UGT2B10: variants seen among roughly 807,000 people sequenced by gnomAD.
The protein encoded by UGT2B10 is UDP glucuronosyltransferase family 2 member B10.
Under a neutral mutation model 43.7 loss-of-function variants are expected in UGT2B10, and 51 were observed. The observed-to-expected ratio is 1.17, with a 90% CI of 0.93 to 1.47. UGT2B10 has a LOEUF of 1.47. Ranked by LOEUF, UGT2B10 falls within the 40% of genes most tolerant of loss-of-function variation. The pLI is 0.00. For synonymous variants in UGT2B10, 225 were observed against 209.0 expected (o/e 1.08, Z -0.66); for missense variants, 696 against 617.7 (o/e 1.13, Z -1.34).
rs755883696 is a variant in UGT2B10, at chr4:68,830,642, T to C, written c.1350T>C (p.Asp450=). 3.7e-6 allele frequency: 6 copies of C among 1,613,032 alleles called. No homozygotes were observed. The Admixed American group carries it at 1.0e-4, about 27-fold the overall frequency. ...NIMKLSRIQH[D]QPVKPLDRAV... ...TGAAATTATCAAGAATTCAACATGA[T>C]CAACCAGTGAAGCCCCTGGATCGAG... The change falls in exon 6 of 6, where the codon GAT becomes GAC. Residue 450 remains aspartate (D), a synonymous_variant. Transcript: ENST00000265403.
At chr4:68,820,557 C>G (rs1361624278) in intron 2 of UGT2B10, among the ~76,000 whole-genome samples, 3 of 151,818 alleles carry the variant, frequency 2.0e-5, no homozygotes, top group East Asian at 1.9e-4. Flanking sequence ...TACAATAGCA[C>G]TAAAATGATT....
chr4:68,826,502 C>A lies in UGT2B10; in HGVS notation c.1087+5C>A, dbSNP rs767359781. On this transcript the variant is annotated splice_donor_5th_base_variant and intron_variant, in intron 4 of 5. Coordinates refer to ENST00000265403, the MANE Select transcript of UGT2B10 (RefSeq NM_001075.6). ...TACCCCAGAATGACCTTCTAGGTAA[C>A]ACTCTGGTGAACAATACTGGATATA... is the stretch of plus-strand genomic sequence containing the variant. The A allele has an allele frequency of 2.5e-6, 4 of 1,610,704 alleles. No homozygotes were observed. The South Asian group carries it at 4.4e-5, about 18-fold the overall frequency.
chr4:68,822,416 C>A lies in UGT2B10; in HGVS notation c.999+14C>A. The A allele has an allele frequency of 6.2e-7, 1 of 1,611,992 alleles. No individual in the cohort carries two copies. Among genetic ancestry groups the A allele is most frequent in the Non-Finnish European group, 8.5e-7 (1 of 1,179,326 alleles). ...ATCCCACAAAAGGTAAGATAAAGTG[C>A]CTTACTGGTGTGGAAAACTACTGAA... On this transcript the variant is annotated intron_variant, in intron 3 of 5. Transcript: ENST00000265403.
At chr4:68,824,636 T>A (rs13148664) in intron 3 of UGT2B10, among the ~76,000 whole-genome samples, 76 of 152,336 alleles carry the variant, frequency 5.0e-4, no homozygotes, top group African/African-American at 1.6e-3. Flanking sequence ...CCTGAGTTAC[T>A]TTAACAGTGA....
At chr4:68,819,057 G>A (rs559130360) in intron 2 of UGT2B10, among the ~76,000 whole-genome samples, 2 of 151,912 alleles carry the variant, frequency 1.3e-5, no homozygotes, top group East Asian at 1.9e-4. Context: ...TGAAAAAGTG[G>A]ACTACACTGT....
chr4:68,826,626 T>C, intron 4 of UGT2B10, 129 bp downstream of exon 4: 2 of 1,163,646 alleles, frequency 1.7e-6, no homozygotes, highest in Non-Finnish European at 2.4e-6. Flanking sequence ...ATATTTATTT[T>C]CCAGTCCTAG....
At chr4:68,822,469 T>G (rs565082241) in intron 3 of UGT2B10, 67 bp downstream of exon 3, 23 of 1,604,980 alleles carry the variant, frequency 1.4e-5, no homozygotes, top group Non-Finnish European at 2.0e-5. Context: ...GTGATCTACA[T>G]AGAAAGAATA....
Position 68,826,326 on chromosome 4 carries a change from T to C in UGT2B10, c.1000-84T>C, listed in dbSNP as rs562817520. On this transcript the variant is annotated intron_variant, in intron 3 of 5. Transcript: ENST00000265403. Reference sequence around the variant, plus strand: ...ATTTATTTACTAACATCCCTTGATTTCATTTCTACTCTTTTTACAGTTCTA... The same window carrying C: ...ATTTATTTACTAACATCCCTTGATTCCATTTCTACTCTTTTTACAGTTCTA... 2.8e-6 allele frequency: 4 copies of C among 1,424,480 alleles called. No individual in the cohort carries two copies. The African/African-American group carries it at 5.8e-5, about 21-fold the overall frequency. 88.2% of individuals were successfully genotyped at this position (1,424,480 alleles called of 1,614,324 possible). A position where few individuals can be genotyped will look rare whatever the true frequency, so the allele number is the denominator to read the frequency against.
chr4:68,831,043 C>A lies in UGT2B10; in HGVS notation c.*164C>A, dbSNP rs1738075796. 5 of 866,292 alleles carry A rather than the reference C, an allele frequency of 5.8e-6. No homozygotes were observed. In the South Asian group the frequency reaches 5.8e-5, roughly 10 times the overall value. 53.7% of individuals were successfully genotyped at this position (866,292 alleles called of 1,614,324 possible). A position where few individuals can be genotyped will look rare whatever the true frequency, so the allele number is the denominator to read the frequency against. ...AATTTGTTTTTCAGAGATTTACCAC[C>A]CAGTTAATGGTTAGAAATATTCTGT... On this transcript the variant is annotated 3_prime_UTR_variant, in exon 6 of 6. Coordinates refer to ENST00000265403, the MANE Select transcript of UGT2B10 (RefSeq NM_001075.6).
At chr4:68,818,006 C>T (rs774879139) in intron 1 of UGT2B10, 23 bp from the exon 2 acceptor site, 13 of 1,595,374 alleles carry the variant, frequency 8.1e-6, no homozygotes, top group Middle Eastern at 1.7e-4. Context: ...TCATCCACTT[C>T]TTCTTTTCTT....
At chr4:68,819,867 T>C (rs1384032988) in intron 2 of UGT2B10, among the ~76,000 whole-genome samples, 3 of 152,060 alleles carry the variant, frequency 2.0e-5, no homozygotes, top group Non-Finnish European at 4.4e-5. Flanking sequence ...TTAAGGCATA[T>C]GTAAAAAGTA....
At chr4:68,828,200 T>C (rs1489489933) in intron 5 of UGT2B10, among the ~76,000 whole-genome samples, 1 of 152,074 alleles carries the variant, frequency 6.6e-6, no homozygotes, top group Non-Finnish European at 1.5e-5. Context: ...TCTATAGATG[T>C]TTCATATAAA....
chr4:68,831,289 C>T lies in UGT2B10; in HGVS notation c.*410C>T, dbSNP rs1168747698. The stretch of plus-strand genomic sequence containing the variant: ...TTTATTTTTTGTAGTGATGAGATCT[C>T]ATTGTGTTCTCCATGCTGATTTCAA... On this transcript the variant is annotated 3_prime_UTR_variant, in exon 6 of 6. Coordinates refer to ENST00000265403, the MANE Select transcript of UGT2B10 (RefSeq NM_001075.6). 1 of 169,004 alleles carries T rather than the reference C, an allele frequency of 5.9e-6. No homozygotes were observed. The highest frequency in any genetic ancestry group is 1.3e-5 in the Non-Finnish European group (1 of 79,112). The allele number at this position is 169,004 out of a possible 1,614,324, so 10.5% of individuals were successfully genotyped here.
chr4:68,828,120 CA>C (rs1322911205), intron 5 of UGT2B10, among the ~76,000 whole-genome samples: 2 of 151,910 alleles, frequency 1.3e-5, no homozygotes, highest in African/African-American at 4.8e-5. Context: ...GCAGTGACAC[CA>C]AAATCACCTC....
intron 1 of UGT2B10, 67 bp from the exon 2 acceptor site, chr4:68,817,962 C>T: frequency 6.4e-7 from 1 of 1,557,854 alleles, no homozygotes; most frequent in Non-Finnish European, 8.6e-7. Flanking sequence ...ATTCTAACCC[C>T]TTTCAGAAAA....
intron 3 of UGT2B10, among the ~76,000 whole-genome samples, chr4:68,823,086 C>A (rs551292480): frequency 5.5e-4 from 84 of 152,048 alleles, no homozygotes; most frequent in South Asian, 1.5e-3. Flanking sequence ...GGTCATTATG[C>A]AGTATATACT....
intron 2 of UGT2B10, among the ~76,000 whole-genome samples, chr4:68,820,938 T>C (rs1737462327): frequency 6.6e-6 from 1 of 152,122 alleles, no homozygotes; most frequent in Non-Finnish European, 1.5e-5. Context: ...TTAGATTCCT[T>C]CAACACTGCA....
At chr4:68,820,533 T>C (rs148849912) in intron 2 of UGT2B10, among the ~76,000 whole-genome samples, 5 of 152,154 alleles carry the variant, frequency 3.3e-5, no homozygotes, top group Admixed American at 3.3e-4. Flanking sequence ...AAATAATGAT[T>C]AGAAACATAT....
In UGT2B10 at chr4:68,816,377, G is replaced by A. The variant is rs1737205358; in HGVS notation, c.358G>A (p.Asp120Asn). 1.9e-6 allele frequency: 3 copies of A among 1,612,656 alleles called. No individual in the cohort carries two copies. The highest frequency in any genetic ancestry group is 2.5e-6 in the Non-Finnish European group (3 of 1,179,330). The change falls in exon 1 of 6, where the codon GAC (aspartate) becomes AAC (asparagine). Residue 120 changes from aspartate (D) to asparagine (N), a missense_variant. Transcript: ENST00000265403. ...QEQEILWAINDIIRNFCKDVV... is the reference protein window; with the variant it reads ...QEQEILWAINNIIRNFCKDVV... ...ACAAGAAATCCTGTGGGCAATTAATGACATAATTAGAAACTTCTGTAAAGA... is the reference window on the plus strand; with the variant it reads ...ACAAGAAATCCTGTGGGCAATTAATAACATAATTAGAAACTTCTGTAAAGA...
Sources: gnomAD v4.1 joint callset for allele counts (sites outside exome capture counted in the v4.1 genomes callset) on GRCh38, gnomAD v4.1.1 for gene constraint, MANE v1.5 for transcripts, NCBI Gene and HGNC (gene_info 2026-07-23, HGNC 2026-07-21) for gene names.